Variants in SHPRH observed in about 807,000 individuals in gnomAD.
SHPRH encodes the protein SNF2 histone linker PHD RING helicase.
In SHPRH, 106 loss-of-function variants were observed where a neutral mutation model predicts 202.5. The observed-to-expected ratio is 0.52, with a 90% CI of 0.45 to 0.62. SHPRH has a LOEUF of 0.62. Among genes scored for constraint, SHPRH ranks in the 20% least tolerant of loss-of-function variants. The pLI is 0.00. For synonymous variants in SHPRH, 729 were observed against 686.0 expected (o/e 1.06, Z -0.98); for missense variants, 1,710 against 2,020.0 (o/e 0.85, Z 2.94).
chr6:145,947,662 T>A lies in SHPRH; in HGVS notation c.1062-19A>T, dbSNP rs1787538131. ...AATGATGCTGAGGAAAAAAACAAGA[T>A]AAATCACATCATAGGAATGTGAATA... On this transcript the variant is annotated intron_variant, in intron 5 of 29. Coordinates refer to ENST00000275233, the MANE Select transcript of SHPRH (RefSeq NM_001042683.3). 1 of 1,611,012 alleles carries A rather than the reference T, an allele frequency of 6.2e-7. No homozygotes were observed. The highest frequency in any genetic ancestry group is 1.3e-5 in the African/African-American group (1 of 74,700).
At chr6:145,880,134 C>T (rs554868394), downstream of SHPRH, among the ~76,000 whole-genome samples, 12 of 152,148 alleles carry the variant, frequency 7.9e-5, no homozygotes, top group South Asian at 2.3e-3. Context: ...TTACTGTTGA[C>T]TTTTTCCCTC....
intron 8 of SHPRH, among the ~76,000 whole-genome samples, chr6:145,944,853 T>C (rs886297411): frequency 2.0e-5 from 3 of 151,952 alleles, no homozygotes; most frequent in Non-Finnish European, 4.4e-5. Flanking sequence ...AATTTAGAAG[T>C]TCCAGACCTG....
At chr6:145,902,454 C>T (rs903079658) in intron 25 of SHPRH, among the ~76,000 whole-genome samples, 3 of 152,064 alleles carry the variant, frequency 2.0e-5, no homozygotes, top group Admixed American at 2.0e-4. Context: ...GTTAAAATGA[C>T]AGAAAATTCA....
intron 28 of SHPRH, among the ~76,000 whole-genome samples, chr6:145,888,750 C>T (rs555956212): frequency 6.6e-6 from 1 of 152,180 alleles, no homozygotes; most frequent in South Asian, 2.1e-4. Flanking sequence ...AGAAGAGCAC[C>T]AGAGAAGCCA....
chr6:145,891,844 T>C (rs1781594044), intron 28 of SHPRH, among the ~76,000 whole-genome samples: 1 of 152,124 alleles, frequency 6.6e-6, no homozygotes, highest in African/African-American at 2.4e-5. Context: ...GTTTTAAATA[T>C]GAGACTAGTC....
chr6:145,904,867 T>C (rs1314980147), intron 25 of SHPRH: 1 of 152,126 alleles, frequency 6.6e-6, no homozygotes, highest in African/African-American at 2.4e-5. Context: ...TCAATACTCA[T>C]GAAAGACAGC....
chr6:145,957,115 G>C (rs1788583907), intron 1 of SHPRH, among the ~76,000 whole-genome samples: 1 of 152,108 alleles, frequency 6.6e-6, no homozygotes, highest in Non-Finnish European at 1.5e-5. Context: ...AAGAAGTTCA[G>C]AGGCAGTCAA....
chr6:145,931,294 T>C (rs1364066565), intron 14 of SHPRH, among the ~76,000 whole-genome samples: 2 of 151,994 alleles, frequency 1.3e-5, no homozygotes, highest in Non-Finnish European at 2.9e-5. Context: ...AATCATCTCA[T>C]TTGTTTTTTG....
chr6:145,940,733 T>C lies in SHPRH; in HGVS notation c.2559A>G (p.Arg853=), dbSNP rs140627772. Residue 853 remains arginine (R), a synonymous_variant, in exon 11 of 30, where the codon AGA becomes AGG. Coordinates refer to ENST00000275233, the MANE Select transcript of SHPRH (RefSeq NM_001042683.3). ...GAAACCATACATTACCCTCTAATCC[T>C]CTCTGTACTGGAGTGCCACTGATAC... ...RWCISGTPVQ[R]GLEDLFGLVV... is the part of the protein sequence containing the mutation. 64 of 1,613,694 alleles carry C rather than the reference T, an allele frequency of 4.0e-5. No individual in the cohort carries two copies. The African/African-American group carries it at 7.2e-4, about 18-fold the overall frequency.
At position 145,917,576 on chromosome 6, in the gene SHPRH, CTGCCAACTAGCAAAA is replaced by C; in HGVS notation, c.4254+540_4254+554del. The C allele has an allele frequency of 4.5e-5, 6 of 133,406 alleles. No homozygotes were observed. In the South Asian group the frequency reaches 1.4e-3, roughly 32 times the overall value. 8.3% of individuals were successfully genotyped at this position (133,406 alleles called of 1,614,324 possible). A position where few individuals can be genotyped will look rare whatever the true frequency, so the allele number is the denominator to read the frequency against. Reference sequence around the variant, plus strand: ...CTATATCTTGCCCCTAGAAGGTTCTCTGCCAACTAGCAAAATATGATTCCTGCAATAAAATGAAAT... The same window carrying C: ...CTATATCTTGCCCCTAGAAGGTTCTCTATGATTCCTGCAATAAAATGAAAT... On this transcript the variant is annotated intron_variant, in intron 23 of 29. Coordinates refer to ENST00000275233, the MANE Select transcript of SHPRH (RefSeq NM_001042683.3).
intron 25 of SHPRH, chr6:145,905,009 T>C (rs1047531122): frequency 6.6e-6 from 1 of 152,096 alleles, no homozygotes; most frequent in Non-Finnish European, 1.5e-5. Context: ...GTGTTTGGAT[T>C]TGATGGGCTC....
intron 2 of SHPRH, among the ~76,000 whole-genome samples, chr6:145,867,795 A>G (rs1334002051): frequency 6.6e-6 from 1 of 151,378 alleles, no homozygotes; most frequent in Non-Finnish European, 1.5e-5. Context: ...TCCCAGAAAA[A>G]CTGATTTCAG....
intron 2 of SHPRH, 32 bp downstream of exon 2, chr6:145,954,658 C>A: frequency 6.5e-7 from 1 of 1,533,218 alleles, no homozygotes. Flanking sequence ...TGTAGAAGAG[C>A]CTCAAAAAAG....
intron 2 of SHPRH, among the ~76,000 whole-genome samples, chr6:145,867,631 T>TATATAGAGAGAG (rs1554220329): frequency 1.4e-3 from 32 of 22,318 alleles, no homozygotes; most frequent in East Asian, 1.8e-3. Flanking sequence ...TATATATATA[T>TATATAGAGAGAG]AGAGAGAGAG....
chr6:145,887,540 T>C (rs927181563), intron 29 of SHPRH, among the ~76,000 whole-genome samples: 1 of 148,572 alleles, frequency 6.7e-6, no homozygotes, highest in Non-Finnish European at 1.5e-5. Flanking sequence ...TTTGTTTTTT[T>C]TTTTTTTTTT....
chr6:145,932,663 T>G (rs1785598045), intron 14 of SHPRH, among the ~76,000 whole-genome samples: 1 of 152,194 alleles, frequency 6.6e-6, no homozygotes, highest in Admixed American at 6.5e-5. Flanking sequence ...CAAACTATTA[T>G]TTTTAAACCA....
rs1421430727 is a variant in SHPRH at position 145,950,276 on chromosome 6, T to C, written c.970A>G (p.Ser324Gly). The C allele has an allele frequency of 6.2e-7, 1 of 1,612,894 alleles. No homozygotes were observed. Among genetic ancestry groups the C allele is most frequent in the Admixed American group, 1.7e-5 (1 of 59,890 alleles). ...WMLQQECFRS[S>G]PATESALHFL... The stretch of plus-strand genomic sequence containing the variant: ...ATCTTATTCTTACCAGTAGCAGGAC[T>C]GCTTCTGAAACACTCTTGTTGTAGC... The change falls in exon 4 of 30, where the codon AGT becomes GGT. Residue 324 changes from serine (S) to glycine (G), a missense_variant. Ser to Gly is a moderately conservative substitution (Grantham distance 56, BLOSUM62 0). This residue lies in a region of SHPRH where 459 missense variants were observed against 426.5 expected (regional missense o/e 1.08). Coordinates refer to ENST00000275233, the MANE Select transcript of SHPRH (RefSeq NM_001042683.3).
intron 2 of SHPRH, among the ~76,000 whole-genome samples, chr6:145,864,973 A>G (rs1779712518): frequency 6.6e-6 from 1 of 150,900 alleles, no homozygotes; most frequent in South Asian, 2.1e-4. Flanking sequence ...ACACACACAC[A>G]CACACTTTGA....
chr6:145,954,691 T>G lies in SHPRH; in HGVS notation c.632A>C (p.Lys211Thr). ...YQKPEGNHII[K>T]VGIYLLEAGL... ...AAGACACCACAAAAAACTGAGTACC[T>G]TGATAATGTGATTTCCTTCTGGTTT... Residue 211 changes from lysine to threonine, a missense_variant and splice_region_variant, in exon 2 of 30, where the codon AAG becomes ACG. Physicochemically the swap from Lys to Thr is moderately conservative, Grantham distance 78. This residue lies in a region of SHPRH where 459 missense variants were observed against 426.5 expected (regional missense o/e 1.08). Transcript: ENST00000275233. 6.4e-7 allele frequency: 1 copy of G among 1,572,914 alleles called. No individual in the cohort carries two copies. The highest frequency in any genetic ancestry group is 8.6e-7 in the Non-Finnish European group (1 of 1,165,998).
Sources: allele counts gnomAD v4.1 joint callset (sites outside exome capture counted in the v4.1 genomes callset), GRCh38; gene constraint gnomAD v4.1.1; regional missense constraint gnomAD v4.1.1; transcripts MANE v1.5; gene names NCBI Gene and HGNC (gene_info 2026-07-23, HGNC 2026-07-21).